The following AUH variants were observed in gnomAD, a reference collection of about 807,000 sequenced individuals.
AUH encodes AU RNA binding methylglutaconyl-CoA hydratase.
A neutral mutation model predicts 42.3 loss-of-function variants in AUH; 29 were observed. The observed-to-expected ratio is 0.69, with a 90% CI of 0.51 to 0.93. The LOEUF (loss-of-function observed/expected upper bound fraction) is 0.93. Among genes scored for constraint, AUH ranks in the 40% least tolerant of loss-of-function variants. The pLI, the probability that AUH is intolerant of heterozygous loss-of-function variation, is 0.00. For synonymous variants in AUH, 174 were observed against 166.4 expected, an observed-to-expected ratio of 1.05 and a Z score of -0.35; for missense variants, 452 against 438.1, an observed-to-expected ratio of 1.03 and a Z score of -0.28.
At chr9:91,224,957 G>C (rs1485844664) in intron 6 of AUH, among the ~76,000 whole-genome samples, 1 of 152,148 alleles carries the variant, frequency 6.6e-6, no homozygotes, top group Non-Finnish European at 1.5e-5. Flanking sequence ...ACAAATGGAA[G>C]TTACAATGCA....
At chr9:91,288,644 G>A (rs1196311226) in intron 6 of AUH, among the ~76,000 whole-genome samples, 1 of 152,086 alleles carries the variant, frequency 6.6e-6, no homozygotes, top group African/African-American at 2.4e-5. Flanking sequence ...GTATTTGATA[G>A]TCAAATTACA....
intron 6 of AUH, among the ~76,000 whole-genome samples, chr9:91,243,815 T>C (rs1374974339): frequency 6.6e-6 from 1 of 152,138 alleles, no homozygotes; most frequent in African/African-American, 2.4e-5. Context: ...AAGCAGGATA[T>C]TTGACTATAA....
intron 6 of AUH, among the ~76,000 whole-genome samples, chr9:91,250,177 A>G (rs1426608211): frequency 6.6e-6 from 1 of 152,166 alleles, no homozygotes; most frequent in African/African-American, 2.4e-5. Flanking sequence ...GGAGTCCCGG[A>G]GGTCTGAGAC....
At chr9:91,261,478 T>TC (rs2131445231) in intron 6 of AUH, among the ~76,000 whole-genome samples, 1 of 152,330 alleles carries the variant, frequency 6.6e-6, no homozygotes, top group South Asian at 2.1e-4. Flanking sequence ...TGGGAATTAG[T>TC]CTGCTTACAG....
At chr9:91,279,696 G>A (rs1009228593) in intron 6 of AUH, among the ~76,000 whole-genome samples, 7 of 152,132 alleles carry the variant, frequency 4.6e-5, no homozygotes, top group African/African-American at 1.2e-4. Context: ...CTGCCCCAAC[G>A]ATCCAGTCAC....
intron 8 of AUH, 27 bp from the exon 9 acceptor site, chr9:91,216,133 A>G: frequency 1.9e-6 from 3 of 1,605,870 alleles, no homozygotes; most frequent in Non-Finnish European, 2.6e-6. Context: ...AATCCATTTC[A>G]GCAGAAATAA....
intron 7 of AUH, chr9:91,218,515 G>T: frequency 3.1e-6 from 2 of 654,220 alleles, no homozygotes; most frequent in Non-Finnish European, 3.8e-6. Context: ...GACTCAGTGG[G>T]TCTGAGATGG....
At chr9:91,278,676 A>G (rs1206137583) in intron 6 of AUH, among the ~76,000 whole-genome samples, 1 of 152,232 alleles carries the variant, frequency 6.6e-6, no homozygotes, top group Non-Finnish European at 1.5e-5. Context: ...AGAATAGTGC[A>G]TTTATTAATT....
intron 3 of AUH, among the ~76,000 whole-genome samples, chr9:91,346,923 T>C (rs1014851394): frequency 1.3e-5 from 2 of 151,884 alleles, no homozygotes; most frequent in Admixed American, 6.6e-5. Context: ...ATGGAACAGA[T>C]GCATAGGGCA....
intron 3 of AUH, among the ~76,000 whole-genome samples, chr9:91,329,253 A>G (rs371696249): frequency 8.5e-5 from 13 of 152,094 alleles, no homozygotes; most frequent in African/African-American, 3.1e-4. Flanking sequence ...GGATAAAGAC[A>G]AAGTAGAATT....
At chr9:91,239,921 C>G (rs1828411286) in intron 6 of AUH, among the ~76,000 whole-genome samples, 1 of 152,102 alleles carries the variant, frequency 6.6e-6, no homozygotes, top group African/African-American at 2.4e-5. Flanking sequence ...GGCTGGACAG[C>G]AAAAACGTTT....
chr9:91,321,155 G>A (rs1829538921), intron 4 of AUH, among the ~76,000 whole-genome samples: 3 of 152,084 alleles, frequency 2.0e-5, no homozygotes, highest in African/African-American at 4.8e-5. Flanking sequence ...GTAATCTTCA[G>A]GTACAAAAAG....
intron 2 of AUH, 52 bp from the exon 3 acceptor site, chr9:91,356,022 A>T (rs1012477503): frequency 3.1e-6 from 5 of 1,598,090 alleles, no homozygotes; most frequent in Admixed American, 1.7e-5. Context: ...AAAACAAAAC[A>T]TTTTTACATT....
chr9:91,330,108 A>C (rs1830221587), intron 3 of AUH, among the ~76,000 whole-genome samples: 1 of 152,208 alleles, frequency 6.6e-6, no homozygotes, highest in Non-Finnish European at 1.5e-5. Flanking sequence ...CCATGAAAAT[A>C]AGTAAATTTA....
intron 3 of AUH, among the ~76,000 whole-genome samples, chr9:91,352,834 T>C (rs1587923193): frequency 6.6e-6 from 1 of 152,288 alleles, no homozygotes; most frequent in East Asian, 1.9e-4. Flanking sequence ...TGAGTCCCTG[T>C]TGTTTGCTGT....
intron 4 of AUH, among the ~76,000 whole-genome samples, chr9:91,300,532 T>G (rs1827702303): frequency 6.6e-6 from 1 of 152,166 alleles, no homozygotes; most frequent in African/African-American, 2.4e-5. Flanking sequence ...TTAATCTCCT[T>G]CACCTGCAAT....
At chr9:91,259,951 T>G (rs911618345) in intron 6 of AUH, among the ~76,000 whole-genome samples, 1 of 152,176 alleles carries the variant, frequency 6.6e-6, no homozygotes, top group African/African-American at 2.4e-5. Flanking sequence ...GTTTTCTATA[T>G]TCTCACTGAT....
chr9:91,294,606 A>G, intron 6 of AUH: 1 of 431,376 alleles, frequency 2.3e-6, no homozygotes, highest in South Asian at 1.7e-5. Context: ...ATAGACAGTG[A>G]TTCCTCTTAT....
chr9:91,332,280 TCA>T (rs1830385152), intron 3 of AUH, among the ~76,000 whole-genome samples: 1 of 152,158 alleles, frequency 6.6e-6, no homozygotes, highest in Admixed American at 6.5e-5. Flanking sequence ...GGCAGGCAGA[TCA>T]CTTGAGGTCA....
Sources: allele counts gnomAD v4.1 joint callset (sites outside exome capture counted in the v4.1 genomes callset), GRCh38; gene constraint gnomAD v4.1.1; transcripts MANE v1.5; gene names NCBI Gene and HGNC (gene_info 2026-07-23, HGNC 2026-07-21).